The following RGS6 variants were observed in gnomAD, a reference collection of about 807,000 sequenced individuals.
RGS6 encodes the protein regulator of G protein signaling 6.
A neutral mutation model predicts 78.5 loss-of-function variants in RGS6; 30 were observed. That is an observed-to-expected ratio of 0.38 (90% CI 0.29 to 0.52). The LOEUF (loss-of-function observed/expected upper bound fraction) is 0.52, where lower values mean the gene tolerates loss of function less well. RGS6 is among the 20% of genes least tolerant of loss of function. The pLI is 0.85. For missense variants in RGS6, 495 were observed against 609.7 expected, an observed-to-expected ratio of 0.81 and a Z score of 1.98; for synonymous variants, 206 against 206.0, an observed-to-expected ratio of 1.00 and a Z score of 0.00.
rs558219507 is a variant in RGS6 at position 72,242,995 on chromosome 14, C to T, written c.85-109100C>T. 1.5e-3 allele frequency among the ~76,000 whole-genome samples: 234 copies of T among 151,804 alleles called. 1 individual carries two copies. Among genetic ancestry groups the T allele is most frequent in the Middle Eastern group, 6.8e-3 (2 of 292 alleles). On this transcript the variant is annotated intron_variant, in intron 2 of 17. Coordinates refer to ENST00000553525, the MANE Select transcript of RGS6 (RefSeq NM_001204424.2). The stretch of plus-strand genomic sequence containing the variant: ...TCCTAAGTAGCTGGGATTACAGGCG[C>T]GCGCCACCACACCTGGCTTTTTGTG...
intron 2 of RGS6, among the ~76,000 whole-genome samples, chr14:72,083,082 T>G (rs1443752217): frequency 6.6e-6 from 1 of 152,220 alleles, no homozygotes; most frequent in Admixed American, 6.5e-5. Flanking sequence ...CTTTTGTGTT[T>G]CTTATTTAGA....
chr14:72,467,073 A>G (rs2095936579), intron 7 of RGS6, among the ~76,000 whole-genome samples: 1 of 152,160 alleles, frequency 6.6e-6, no homozygotes, highest in African/African-American at 2.4e-5. Flanking sequence ...ACTTGGGTCC[A>G]TTCCCATTTG....
intron 2 of RGS6, among the ~76,000 whole-genome samples, chr14:72,244,113 G>A (rs939789506): frequency 6.6e-6 from 1 of 152,146 alleles, no homozygotes; most frequent in African/African-American, 2.4e-5. Flanking sequence ...TGAATGCTCT[G>A]TTCACTCCCT....
At chr14:72,365,103 A>T (rs994520477) in intron 3 of RGS6, among the ~76,000 whole-genome samples, 1 of 152,238 alleles carries the variant, frequency 6.6e-6, no homozygotes, top group Admixed American at 6.5e-5. Flanking sequence ...CAACAAACAC[A>T]TAGCAATATG....
intron 2 of RGS6, among the ~76,000 whole-genome samples, chr14:72,292,001 C>A (rs1470865556): frequency 1.3e-5 from 2 of 152,084 alleles, no homozygotes; most frequent in Non-Finnish European, 2.9e-5. Context: ...GTTTAAAAAT[C>A]TGGCGTCACA....
At chr14:72,185,881 G>A (rs141190963) in intron 2 of RGS6, among the ~76,000 whole-genome samples, 4 of 152,344 alleles carry the variant, frequency 2.6e-5, no homozygotes, top group East Asian at 1.9e-4. Context: ...AGTCAAGGCC[G>A]CAATGAGCTC....
rs558702529 is a variant in RGS6, at chr14:72,081,972, C to CT, written c.84+117104dup. On this transcript the variant is annotated intron_variant, in intron 2 of 17. Transcript: ENST00000553525. Reference sequence around the variant, plus strand: ...ATCTTTTGTCATATTTGTTTTAGATCTTTTTTTAACAGTATGGTTATATTT... The same window carrying CT: ...ATCTTTTGTCATATTTGTTTTAGATCTTTTTTTTAACAGTATGGTTATATTT... Among the ~76,000 whole-genome samples, 66 of 151,854 alleles carry CT rather than the reference C, an allele frequency of 4.3e-4. 1 individual carries two copies. Among genetic ancestry groups the CT allele is most frequent in the East Asian group, 1.4e-3 (7 of 5,178 alleles).
chr14:72,204,359 G>C (rs1194150877), intron 2 of RGS6, among the ~76,000 whole-genome samples: 1 of 152,102 alleles, frequency 6.6e-6, no homozygotes, highest in African/African-American at 2.4e-5. Flanking sequence ...TATCTTGAAG[G>C]ACAAGAAGAC....
At chr14:72,132,607 T>TG (rs111633660) in intron 2 of RGS6, among the ~76,000 whole-genome samples, 5 of 152,242 alleles carry the variant, frequency 3.3e-5, no homozygotes, top group African/African-American at 1.2e-4. Context: ...GTATGTTTGT[T>TG]GCATGTGTCA....
chr14:72,262,710 A>G (rs762386630), intron 2 of RGS6, among the ~76,000 whole-genome samples: 3 of 152,202 alleles, frequency 2.0e-5, no homozygotes, highest in African/African-American at 7.2e-5. Flanking sequence ...TTTAGAACCA[A>G]TTACCTGTGA....
the RGS6 span, among the ~76,000 whole-genome samples, chr14:71,891,135 T>C: frequency 1.3e-5 from 2 of 152,190 alleles, no homozygotes; most frequent in Non-Finnish European, 2.9e-5. Flanking sequence ...CTTAATGCAG[T>C]TCATAGAATA....
chr14:71,984,298 TAAAAAA>T lies in RGS6; in HGVS notation c.84+19442_84+19447del, dbSNP rs59180817. 4.7e-3 allele frequency among the ~76,000 whole-genome samples: 564 copies of T among 120,008 alleles called. 8 individuals are homozygous for T. In the Middle Eastern group the frequency reaches 0.073, roughly 16 times the overall value. 78.7% of individuals were successfully genotyped at this position (120,008 alleles called of 152,430 possible). Reference sequence around the variant, plus strand: ...TTTTGGGGAAGAAACTGAATTATGTTAAAAAAAAAAAAAAAAAAAAAAAACAAAGCT... The same window carrying T: ...TTTTGGGGAAGAAACTGAATTATGTTAAAAAAAAAAAAAAAAAACAAAGCT... On this transcript the variant is annotated intron_variant, in intron 2 of 17. Coordinates refer to ENST00000553525, the MANE Select transcript of RGS6 (RefSeq NM_001204424.2).
chr14:72,462,318 G>A (rs1198186622), intron 6 of RGS6, among the ~76,000 whole-genome samples: 1 of 152,168 alleles, frequency 6.6e-6, no homozygotes, highest in African/African-American at 2.4e-5. Context: ...CTTGGGAGGG[G>A]CAGGTTTATA....
At chr14:71,996,155 T>TA (rs2095195083) in intron 2 of RGS6, among the ~76,000 whole-genome samples, 1 of 87,464 alleles carries the variant, frequency 1.1e-5, no homozygotes, top group Admixed American at 1.1e-4. Context: ...GTTAGAAGTG[T>TA]GTTTTTTTTT....
intron 2 of RGS6, among the ~76,000 whole-genome samples, chr14:71,989,447 T>C (rs1270266440): frequency 2.0e-5 from 3 of 152,250 alleles, no homozygotes; most frequent in African/African-American, 7.2e-5. Flanking sequence ...GGTGATAATA[T>C]CGACTTCCAT....
intron 3 of RGS6, among the ~76,000 whole-genome samples, chr14:72,360,052 A>G (rs978261087): frequency 4.6e-5 from 7 of 152,186 alleles, no homozygotes; most frequent in Admixed American, 3.9e-4. Flanking sequence ...TTAATTTAAT[A>G]AAAAGATAAT....
chr14:71,917,513 G>A, the RGS6 span, among the ~76,000 whole-genome samples: 4 of 152,196 alleles, frequency 2.6e-5, no homozygotes, highest in African/African-American at 9.6e-5. Flanking sequence ...GGGGAGATGG[G>A]AAGCACCTGG....
the RGS6 span, among the ~76,000 whole-genome samples, chr14:71,902,928 C>T: frequency 4.6e-5 from 7 of 152,314 alleles, no homozygotes; most frequent in African/African-American, 1.4e-4. Flanking sequence ...GTGATGTGTC[C>T]GGTTTCTAAA....
intron 2 of RGS6, among the ~76,000 whole-genome samples, chr14:72,349,326 C>A (rs2078680359): frequency 6.6e-6 from 1 of 152,154 alleles, no homozygotes; most frequent in Non-Finnish European, 1.5e-5. Flanking sequence ...GCGTGTTCTT[C>A]TCATGGTAAG....
Sources: gnomAD v4.1 joint callset for allele counts (sites outside exome capture counted in the v4.1 genomes callset) on GRCh38, gnomAD v4.1.1 for gene constraint, MANE v1.5 for transcripts, NCBI Gene and HGNC (gene_info 2026-07-23, HGNC 2026-07-21) for gene names.